Variants in SERINC5 observed in about 807,000 individuals in gnomAD.
SERINC5 encodes the protein serine incorporator 5.
In SERINC5, 41 loss-of-function variants were observed where a neutral mutation model predicts 63.1. The observed-to-expected ratio is 0.65, with a 90% confidence interval of 0.51 to 0.84. The LOEUF (loss-of-function observed/expected upper bound fraction) is 0.84, where lower values mean the gene tolerates loss of function less well. SERINC5 is among the 40% of genes least tolerant of loss of function. The probability of loss-of-function intolerance (pLI) is 0.00; values close to 1 mark genes in which losing one functional copy is unlikely to be tolerated. For missense variants in SERINC5, 523 were observed against 573.0 expected, an observed-to-expected ratio of 0.91 and a Z score of 0.89; for synonymous variants, 222 against 215.2, an observed-to-expected ratio of 1.03 and a Z score of -0.28.
chr5:80,130,558 C>T (rs1401571239), intron 11 of SERINC5, among the ~76,000 whole-genome samples: 1 of 152,146 alleles, frequency 6.6e-6, no homozygotes, highest in African/African-American at 2.4e-5. Flanking sequence ...GTTTTAAGTT[C>T]AGATACTCAA....
chr5:80,218,073 T>A (rs1424345116), intron 1 of SERINC5, among the ~76,000 whole-genome samples: 1 of 152,160 alleles, frequency 6.6e-6, no homozygotes, highest in African/African-American at 2.4e-5. Context: ...GTTAGTAGCT[T>A]TAAAAAACGC....
intron 8 of SERINC5, among the ~76,000 whole-genome samples, chr5:80,156,301 A>G (rs1207180538): frequency 6.6e-6 from 1 of 152,182 alleles, no homozygotes; most frequent in Non-Finnish European, 1.5e-5. Context: ...GAAGGAAAAC[A>G]AACTCTTCAG....
chr5:80,252,605 G>T (rs1752480059), intron 1 of SERINC5, among the ~76,000 whole-genome samples: 1 of 152,152 alleles, frequency 6.6e-6, no homozygotes, highest in Non-Finnish European at 1.5e-5. Context: ...AAAATAAGCT[G>T]ATCTGGATAT....
chr5:80,152,503 A>C (rs1746254551), intron 8 of SERINC5, among the ~76,000 whole-genome samples: 1 of 152,112 alleles, frequency 6.6e-6, no homozygotes, highest in Admixed American at 6.6e-5. Context: ...AAAAAAAAAA[A>C]AAAAGAGTGG....
downstream of SERINC5, among the ~76,000 whole-genome samples, chr5:80,135,225 G>A (rs1745112354): frequency 6.6e-6 from 1 of 152,166 alleles, no homozygotes; most frequent in Non-Finnish European, 1.5e-5. Context: ...GTAGAGACGG[G>A]GTTTCACCAT....
At chr5:80,115,425 C>T (rs4704610) in intron 11 of SERINC5, among the ~76,000 whole-genome samples, 25,241 of 151,998 alleles carry the variant, frequency 0.17, 2,308 homozygotes, top group Middle Eastern at 0.2. Context: ...AACCCACCAA[C>T]TATTAATTCA....
At chr5:80,169,963 T>A (rs1193022007) in intron 5 of SERINC5, among the ~76,000 whole-genome samples, 1 of 152,158 alleles carries the variant, frequency 6.6e-6, no homozygotes, top group African/African-American at 2.4e-5. Flanking sequence ...CCAAAGAGGT[T>A]GCAGAAGGCT....
downstream of SERINC5, among the ~76,000 whole-genome samples, chr5:80,133,819 T>C (rs758158969): frequency 1.3e-5 from 2 of 152,214 alleles, no homozygotes; most frequent in Non-Finnish European, 2.9e-5. Flanking sequence ...ATGGGGTTTT[T>C]AAGGATAATT....
chr5:80,131,032 G>A (rs1198777468), intron 11 of SERINC5, among the ~76,000 whole-genome samples: 1 of 152,200 alleles, frequency 6.6e-6, no homozygotes, highest in Admixed American at 6.5e-5. Context: ...AGAATAGTCA[G>A]GGAGAACTTC....
At chr5:80,243,785 A>AAATAAATG (rs1449805916) in intron 1 of SERINC5, among the ~76,000 whole-genome samples, 18 of 148,420 alleles carry the variant, frequency 1.2e-4, no homozygotes, top group Non-Finnish European at 1.8e-4. Flanking sequence ...ATAAATAAAT[A>AAATAAATG]AAACAAAATA....
intron 11 of SERINC5, among the ~76,000 whole-genome samples, chr5:80,125,367 G>T (rs1744708130): frequency 1.3e-5 from 2 of 152,190 alleles, no homozygotes; most frequent in South Asian, 2.1e-4. Flanking sequence ...TTCCTAGAGG[G>T]CATGCTGCCC....
rs1745489687 is a variant in SERINC5, at chr5:80,141,287, A to G, written c.*2376T>C. On this transcript the variant is annotated 3_prime_UTR_variant, in exon 12 of 12. Transcript: ENST00000507668. The stretch of plus-strand genomic sequence containing the variant: ...GGGATGTCACAAACCAGACTCACGC[A>G]TCTGGAAAACGTTGTGTGGCTGGGC... 7.1e-6 allele frequency: 7 copies of G among 985,334 alleles called. No homozygotes were observed. The South Asian group carries it at 3.3e-4, about 46-fold the overall frequency. The allele number at this position is 985,334 out of a possible 1,614,324, so 61.0% of individuals were successfully genotyped here. A position where few individuals can be genotyped will look rare whatever the true frequency, so the allele number is the denominator to read the frequency against.
intron 1 of SERINC5, among the ~76,000 whole-genome samples, chr5:80,244,994 CT>C (rs1282108334): frequency 2.0e-5 from 3 of 152,192 alleles, no homozygotes; most frequent in Non-Finnish European, 2.9e-5. Flanking sequence ...GATCTTCGAT[CT>C]TCCTCTCTCA....
chr5:80,224,524 C>T (rs1030929805), intron 1 of SERINC5, among the ~76,000 whole-genome samples: 7 of 152,098 alleles, frequency 4.6e-5, no homozygotes, highest in African/African-American at 1.7e-4. Flanking sequence ...TGTTAGCCAA[C>T]ATCCAGTCCT....
rs139830886 is a variant in SERINC5 at position 80,117,971 on chromosome 5, G to A, written c.1239-4346C>T. Among the ~76,000 whole-genome samples the A allele has an allele frequency of 2.7e-3, 409 of 151,436 alleles. 9 individuals are homozygous for A. The highest frequency in any genetic ancestry group is 9.7e-3 in the African/African-American group (396 of 40,744). On this transcript the variant is annotated intron_variant, in intron 11 of 12. Transcript: ENST00000509193. Reference sequence around the variant, plus strand: ...TAATCCCAGCATGTTGGGAGGCCGAGGTGGGCAGATCACTTGAGGTCAGGG... The same window carrying A: ...TAATCCCAGCATGTTGGGAGGCCGAAGTGGGCAGATCACTTGAGGTCAGGG...
chr5:80,177,185 G>A, intron 4 of SERINC5, 130 bp downstream of exon 4: 1 of 646,854 alleles, frequency 1.5e-6, no homozygotes, highest in Non-Finnish European at 2.7e-6. Flanking sequence ...GGTAAGTCAG[G>A]AATTTCTTTT....
chr5:80,132,092 A>G (rs1462683915), intron 11 of SERINC5, among the ~76,000 whole-genome samples: 3 of 152,198 alleles, frequency 2.0e-5, no homozygotes, highest in African/African-American at 7.2e-5. Context: ...CGGACACCAG[A>G]TAACAGAGAT....
intron 5 of SERINC5, among the ~76,000 whole-genome samples, chr5:80,170,404 T>C (rs1019674239): frequency 2.0e-5 from 3 of 152,194 alleles, no homozygotes; most frequent in Admixed American, 1.3e-4. Context: ...TGGGGCCTTT[T>C]GCCTTCTGTA....
At chr5:80,206,483 G>A (rs781719497) in intron 1 of SERINC5, among the ~76,000 whole-genome samples, 15 of 152,180 alleles carry the variant, frequency 9.9e-5, no homozygotes, top group Admixed American at 2.6e-4. Flanking sequence ...TCTTACGTCC[G>A]ATTTTCCAAG....
Sources: gnomAD v4.1 joint callset for allele counts (sites outside exome capture counted in the v4.1 genomes callset) on GRCh38, gnomAD v4.1.1 for gene constraint, MANE v1.5 for transcripts, NCBI Gene and HGNC (gene_info 2026-07-23, HGNC 2026-07-21) for gene names.